Variants in DGKD observed in about 807,000 individuals in gnomAD.
The protein encoded by DGKD is DAG kinase delta.
DGKD carries 68 observed loss-of-function variants against 154.4 expected under a neutral mutation model. That is an observed-to-expected ratio of 0.44 (90% CI 0.36 to 0.54). The LOEUF is 0.54. Ranked by LOEUF, DGKD falls within the 20% of genes least tolerant of loss-of-function variation. The pLI is 0.00. For missense variants in DGKD, 1,343 were observed against 1,593.6 expected (o/e 0.84, Z 2.68); for synonymous variants, 693 against 638.0 (o/e 1.09, Z -1.30).
intron 1 of DGKD, among the ~76,000 whole-genome samples, chr2:233,371,387 G>A (rs1200647606): frequency 6.6e-6 from 1 of 151,806 alleles, no homozygotes; most frequent in African/African-American, 2.4e-5. Context: ...TTTTCCAATC[G>A]GGTTGTCTTC....
At chr2:233,411,462 A>C (rs750610897) in intron 3 of DGKD, among the ~76,000 whole-genome samples, 1 of 152,092 alleles carries the variant, frequency 6.6e-6, no homozygotes, top group Non-Finnish European at 1.5e-5. Flanking sequence ...ACATCTTTTC[A>C]TGTGTTTGTT....
At chr2:233,387,564 T>G (rs1364369329) in intron 1 of DGKD, among the ~76,000 whole-genome samples, 1 of 152,236 alleles carries the variant, frequency 6.6e-6, no homozygotes, top group Non-Finnish European at 1.5e-5. Flanking sequence ...TAGAGCCCCC[T>G]TCATTCTTGG....
At chr2:233,423,716 G>A (rs2062196369) in intron 3 of DGKD, among the ~76,000 whole-genome samples, 1 of 152,086 alleles carries the variant, frequency 6.6e-6, no homozygotes, top group South Asian at 2.1e-4. Context: ...AGTAAGGTGG[G>A]TGTTACTGCC....
intron 9 of DGKD, among the ~76,000 whole-genome samples, chr2:233,439,978 A>G (rs956256753): frequency 6.6e-6 from 1 of 152,142 alleles, no homozygotes; most frequent in East Asian, 1.9e-4. Context: ...TAAACATGGT[A>G]CCAGGGGTGT....
intron 1 of DGKD, among the ~76,000 whole-genome samples, chr2:233,372,035 T>C (rs1310893225): frequency 6.6e-6 from 1 of 151,432 alleles, no homozygotes; most frequent in Non-Finnish European, 1.5e-5. Context: ...TTTTATTTTA[T>C]TTTTTTCAGA....
Position 233,452,873 on chromosome 2 carries a change from A to G in DGKD, c.2264+813A>G, listed in dbSNP as rs1405025421. 6.6e-6 allele frequency among the ~76,000 whole-genome samples: 1 copy of G among 152,160 alleles called. No homozygotes were observed. Among genetic ancestry groups the G allele is most frequent in the Non-Finnish European group, 1.5e-5 (1 of 68,028 alleles). ...TTCTGGAGTGGTGACGGACAGTGAC[A>G]GGAAGAAATGTGCGGTTCACAGAGG... On this transcript the variant is annotated intron_variant, in intron 18 of 29. Coordinates refer to ENST00000264057, the MANE Select transcript of DGKD (RefSeq NM_152879.3). The surrounding 1 kb of genome is among the most constrained non-coding windows in gnomAD (Gnocchi z 4.0).
intron 1 of DGKD, among the ~76,000 whole-genome samples, chr2:233,379,465 T>C (rs1224103822): frequency 6.6e-6 from 1 of 152,178 alleles, no homozygotes; most frequent in Non-Finnish European, 1.5e-5. Flanking sequence ...AGGAGAGGTT[T>C]GGGAGTGGGC....
chr2:233,457,670 G>A lies in DGKD; in HGVS notation c.2580+342G>A. ...TTAGGTGGGCAGAGGAGAGGGGGAG[G>A]CTGTTCCAGGCAGAGAGAATTGCAC... On this transcript the variant is annotated intron_variant, in intron 21 of 29. Transcript: ENST00000264057. This position sits in a 1 kb window ranked among gnomAD's most constrained non-coding sequence, Gnocchi z 5.5. 2.2e-6 allele frequency: 1 copy of A among 448,644 alleles called. No individual in the cohort carries two copies. Among genetic ancestry groups the A allele is most frequent in the Non-Finnish European group, 4.4e-6 (1 of 226,864 alleles). 27.8% of individuals were successfully genotyped at this position (448,644 alleles called of 1,614,324 possible). A position where few individuals can be genotyped will look rare whatever the true frequency, so the allele number is the denominator to read the frequency against.
intron 3 of DGKD, among the ~76,000 whole-genome samples, chr2:233,428,622 G>A (rs560091249): frequency 2.0e-5 from 3 of 152,298 alleles, no homozygotes; most frequent in South Asian, 2.1e-4. Context: ...GGCACAGGGC[G>A]GAGAAGCACC....
intron 1 of DGKD, among the ~76,000 whole-genome samples, chr2:233,379,493 A>G (rs554977526): frequency 2.0e-5 from 3 of 152,192 alleles, no homozygotes; most frequent in Admixed American, 2.0e-4. Flanking sequence ...CTGAGACTGT[A>G]TGCTTCTTCC....
chr2:233,468,402 G>A (rs775286932), intron 28 of DGKD, 21 bp from the exon 29 acceptor site: 107 of 1,611,960 alleles, frequency 6.6e-5, no homozygotes, highest in Non-Finnish European at 8.8e-5. Flanking sequence ...CACTGCACTC[G>A]TGCTTTTCCA....
intron 9 of DGKD, among the ~76,000 whole-genome samples, chr2:233,439,422 G>A (rs187798038): frequency 4.2e-3 from 645 of 152,320 alleles, no homozygotes; most frequent in Admixed American, 6.9e-3. Context: ...ACAGCCAGGC[G>A]CAGTCGGAGA....
rs577246065 is a variant in DGKD at position 233,446,651 on chromosome 2, A to C, written c.1335-61A>C. 58 of 1,558,660 alleles carry C rather than the reference A, an allele frequency of 3.7e-5. No homozygotes were observed. The African/African-American group carries it at 7.7e-4, about 21-fold the overall frequency. On this transcript the variant is annotated intron_variant, in intron 11 of 29. Coordinates refer to ENST00000264057, the MANE Select transcript of DGKD (RefSeq NM_152879.3). Reference sequence around the variant, plus strand: ...TGCCAGCCGTGAAAGCGGACGGCGCAGGGTTCACCCTTGTGGGCCTGCACG... The same window carrying C: ...TGCCAGCCGTGAAAGCGGACGGCGCCGGGTTCACCCTTGTGGGCCTGCACG...
At position 233,457,930 on chromosome 2, in the gene DGKD, A is replaced by C. The variant is rs1021843020; in HGVS notation, c.2581-354A>C. On this transcript the variant is annotated intron_variant, in intron 21 of 29. Coordinates refer to ENST00000264057, the MANE Select transcript of DGKD (RefSeq NM_152879.3). This position sits in a 1 kb window ranked among gnomAD's most constrained non-coding sequence, Gnocchi z 5.5. ...TTTGTACGTAATAGCGAATAGAAGT[A>C]TTCAGCGCTTCCTGCACACGTGGTG... 29 of 333,474 alleles carry C rather than the reference A, an allele frequency of 8.7e-5. No individual in the cohort carries two copies. Among genetic ancestry groups the C allele is most frequent in the African/African-American group, 6.1e-4 (29 of 47,872 alleles). The allele number at this position is 333,474 out of a possible 1,614,324, so 20.7% of individuals were successfully genotyped here.
At chr2:233,436,209 T>C (rs1373585671) in intron 6 of DGKD, 107 bp from the exon 7 acceptor site, 9 of 1,550,838 alleles carry the variant, frequency 5.8e-6, no homozygotes, top group Non-Finnish European at 7.9e-6. Context: ...GGGAAGGAGC[T>C]TGTTCTGGGA....
intron 1 of DGKD, among the ~76,000 whole-genome samples, chr2:233,366,734 T>C (rs948035076): frequency 2.0e-5 from 3 of 152,034 alleles, no homozygotes; most frequent in African/African-American, 7.2e-5. Context: ...GTGAGGATGG[T>C]TCATCTGAGC....
At chr2:233,385,909 C>G (rs942677295) in intron 1 of DGKD, 2 of 364,594 alleles carry the variant, frequency 5.5e-6, no homozygotes, top group Non-Finnish European at 5.3e-6. Flanking sequence ...TTTCTGAGCA[C>G]TCTTGTTATA....
At chr2:233,405,600 T>G (rs558350783) in intron 3 of DGKD, among the ~76,000 whole-genome samples, 1 of 152,232 alleles carries the variant, frequency 6.6e-6, no homozygotes, top group Admixed American at 6.5e-5. Flanking sequence ...GCTGTTATTG[T>G]AGGGGTCAGT....
At chr2:233,447,732 C>T (rs2063132217) in intron 12 of DGKD, 1 of 1,103,486 alleles carries the variant, frequency 9.1e-7, no homozygotes, top group Non-Finnish European at 1.1e-6. Context: ...ACAGCCTCTG[C>T]TGCAAACGGA....
Sources: allele counts gnomAD v4.1 joint callset (sites outside exome capture counted in the v4.1 genomes callset), GRCh38; gene constraint gnomAD v4.1.1; non-coding constraint Gnocchi (gnomAD v3.1); transcripts MANE v1.5; gene names NCBI Gene and HGNC (gene_info 2026-07-23, HGNC 2026-07-21).